Variants in E2F3 observed in about 807,000 individuals in gnomAD.
E2F3 encodes the protein transcription factor E2F3.
In E2F3, 11 loss-of-function variants were observed where a neutral mutation model predicts 44.4. The observed-to-expected ratio is 0.25, with a 90% CI of 0.16 to 0.41. The LOEUF (loss-of-function observed/expected upper bound fraction) is 0.41. Among genes scored for constraint, E2F3 ranks in the 10% least tolerant of loss-of-function variants. The probability of loss-of-function intolerance (pLI) is 1.00; values close to 1 mark genes in which losing one functional copy is unlikely to be tolerated. For missense variants in E2F3, 487 were observed against 583.6 expected (o/e 0.83, Z 1.70); for synonymous variants, 249 against 253.0 (o/e 0.98, Z 0.15).
chr6:20,441,890 C>A (rs904463087), intron 1 of E2F3, among the ~76,000 whole-genome samples: 1 of 152,010 alleles, frequency 6.6e-6, no homozygotes, highest in Admixed American at 6.6e-5. Context: ...TTTTGAGGAA[C>A]TATCAAACTG....
intron 4 of E2F3, 95 bp downstream of exon 4, chr6:20,483,015 C>T (rs1581656524): frequency 6.4e-7 from 1 of 1,565,302 alleles, no homozygotes; most frequent in East Asian, 2.3e-5. Flanking sequence ...GATTATTATT[C>T]TGATGTCATG....
chr6:20,455,841 A>G (rs1561869355), intron 1 of E2F3, among the ~76,000 whole-genome samples: 1 of 151,924 alleles, frequency 6.6e-6, no homozygotes, highest in Non-Finnish European at 1.5e-5. Context: ...TCTAGAACCA[A>G]CCCTTGGGAA....
intron 1 of E2F3, among the ~76,000 whole-genome samples, chr6:20,414,693 C>T (rs1044104826): frequency 2.0e-5 from 3 of 152,174 alleles, no homozygotes; most frequent in Admixed American, 6.5e-5. Flanking sequence ...GTGACGATCA[C>T]ACTAATAACA....
At position 20,466,340 on chromosome 6, in the gene E2F3, T is replaced by C. The variant is rs569747500; in HGVS notation, c.394-13506T>C. Among the ~76,000 whole-genome samples the C allele has an allele frequency of 5.3e-5, 8 of 152,262 alleles. 1 individual carries two copies. In the South Asian group the frequency reaches 1.7e-3, roughly 32 times the overall value. On this transcript the variant is annotated intron_variant, in intron 1 of 6. Transcript: ENST00000346618. The stretch of plus-strand genomic sequence containing the variant: ...GTTGGCCAGGCTGATCTTGAACTCT[T>C]GACCTCCAGTGATCTGCCTACCTCA...
chr6:20,406,100 C>G (rs764525121), intron 1 of E2F3, among the ~76,000 whole-genome samples: 3 of 152,162 alleles, frequency 2.0e-5, no homozygotes, highest in African/African-American at 4.8e-5. Context: ...GAGTTGCAGA[C>G]CTATCTGGTT....
chr6:20,493,553 T>A lies in E2F3; in HGVS notation c.*3123T>A, dbSNP rs543226128. Reference sequence around the variant, plus strand: ...AGTTTAAAAAAGAAAATATGTAATATAATGTAAAAAAAAACAAAAAAAAGC... The same window carrying A: ...AGTTTAAAAAAGAAAATATGTAATAAAATGTAAAAAAAAACAAAAAAAAGC... On this transcript the variant is annotated 3_prime_UTR_variant, in exon 7 of 7. Transcript: ENST00000346618. 4.8e-6 allele frequency: 1 copy of A among 209,616 alleles called. No homozygotes were observed. The highest frequency in any genetic ancestry group is 9.5e-6 in the Non-Finnish European group (1 of 104,944). The allele number at this position is 209,616 out of a possible 1,614,324, so 13.0% of individuals were successfully genotyped here. A position where few individuals can be genotyped will look rare whatever the true frequency, so the allele number is the denominator to read the frequency against.
intron 5 of E2F3, among the ~76,000 whole-genome samples, 191 bp downstream of exon 5, chr6:20,486,994 A>T (rs1762415486): frequency 6.6e-6 from 1 of 152,202 alleles, no homozygotes. Flanking sequence ...CAAACAACCT[A>T]ACTTTGACCT....
At chr6:20,474,230 AC>A (rs1561879830) in intron 1 of E2F3, among the ~76,000 whole-genome samples, 1 of 152,080 alleles carries the variant, frequency 6.6e-6, no homozygotes, top group African/African-American at 2.4e-5. Flanking sequence ...TTACCATTGC[AC>A]CCAGCTCTAA....
chr6:20,440,087 C>T (rs2127596226), intron 1 of E2F3: 1 of 152,294 alleles, frequency 6.6e-6, no homozygotes, highest in East Asian at 1.9e-4. Flanking sequence ...ATCTGGCCCC[C>T]TTTGTCATAC....
At chr6:20,453,090 ATTT>A (rs1192512413) in intron 1 of E2F3, among the ~76,000 whole-genome samples, 1 of 151,592 alleles carries the variant, frequency 6.6e-6, no homozygotes, top group East Asian at 1.9e-4. Flanking sequence ...TTTCTTGTTG[ATTT>A]GTAAGGGCTC....
intron 4 of E2F3, among the ~76,000 whole-genome samples, chr6:20,484,513 C>G (rs1251821480): frequency 6.6e-6 from 1 of 152,104 alleles, no homozygotes; most frequent in African/African-American, 2.4e-5. Flanking sequence ...GTGTAAGTAC[C>G]TGGTTGTCAG....
intron 4 of E2F3, among the ~76,000 whole-genome samples, chr6:20,484,440 A>G (rs544255464): frequency 3.7e-4 from 57 of 152,338 alleles, no homozygotes; most frequent in African/African-American, 1.4e-3. Flanking sequence ...CCAAAAGGCC[A>G]AGAAGTGATG....
At chr6:20,456,104 G>A (rs943429743) in intron 1 of E2F3, among the ~76,000 whole-genome samples, 4 of 151,896 alleles carry the variant, frequency 2.6e-5, no homozygotes, top group Non-Finnish European at 4.4e-5. Context: ...GCCAGGTTCC[G>A]GTGGGTCTTA....
chr6:20,426,309 A>G (rs1453926288), intron 1 of E2F3, among the ~76,000 whole-genome samples: 1 of 152,156 alleles, frequency 6.6e-6, no homozygotes, highest in Non-Finnish European at 1.5e-5. Flanking sequence ...ATAAAAATAT[A>G]TAGTTTTGCT....
intron 4 of E2F3, among the ~76,000 whole-genome samples, chr6:20,483,690 C>T (rs751746193): frequency 7.2e-5 from 11 of 152,174 alleles, no homozygotes; most frequent in Non-Finnish European, 1.0e-4. Flanking sequence ...GAGATTGCCT[C>T]ATTATGTCAA....
chr6:20,418,887 T>A (rs1759935954), intron 1 of E2F3, among the ~76,000 whole-genome samples: 1 of 152,122 alleles, frequency 6.6e-6, no homozygotes, highest in Admixed American at 6.5e-5. Context: ...CTGCTTATTA[T>A]TTTTTTAAAA....
intron 1 of E2F3, among the ~76,000 whole-genome samples, chr6:20,406,666 G>A (rs1759504102): frequency 6.6e-6 from 1 of 152,170 alleles, no homozygotes; most frequent in African/African-American, 2.4e-5. Flanking sequence ...GCCTTGAATT[G>A]TGACAATTCA....
chr6:20,451,277 G>A (rs1171855166), intron 1 of E2F3, among the ~76,000 whole-genome samples: 1 of 152,072 alleles, frequency 6.6e-6, no homozygotes, highest in Non-Finnish European at 1.5e-5. Context: ...TCTTGTTGTA[G>A]AGATCTTTCT....
chr6:20,482,787 G>A lies in E2F3; in HGVS notation c.751G>A (p.Gly251Ser), dbSNP rs1374008829. 3 of 1,611,722 alleles carry A rather than the reference G, an allele frequency of 1.9e-6. No homozygotes were observed. The highest frequency in any genetic ancestry group is 2.7e-5 in the African/African-American group (2 of 74,810). Residue 251 changes from glycine (G) to serine (S), a missense_variant, in exon 4 of 7, where the codon GGC becomes AGC. Coordinates refer to ENST00000346618, the MANE Select transcript of E2F3 (RefSeq NM_001949.5). Reference sequence around the variant, plus strand: ...GGGCTGCAGTCTGTCTGAGGATGGGGGCATGCTGGCCCAGTGTCAAGGCCT... The same window carrying A: ...GGGCTGCAGTCTGTCTGAGGATGGGAGCATGCTGGCCCAGTGTCAAGGCCT... ...WMGCSLSEDG[G>S]MLAQCQGLSK...
Sources: gnomAD v4.1 joint callset for allele counts (sites outside exome capture counted in the v4.1 genomes callset) on GRCh38, gnomAD v4.1.1 for gene constraint, MANE v1.5 for transcripts, NCBI Gene and HGNC (gene_info 2026-07-23, HGNC 2026-07-21) for gene names.